The following DMD variants were observed in gnomAD, a reference collection of about 807,000 sequenced individuals.
The protein encoded by DMD is dystrophin.
Under a neutral mutation model 330.1 loss-of-function variants are expected in DMD, and 63 were observed. That is an observed-to-expected ratio of 0.19 (90% CI 0.16 to 0.24). The LOEUF (loss-of-function observed/expected upper bound fraction) is 0.24. Among genes scored for constraint, DMD ranks in the 10% least tolerant of loss-of-function variants. The probability of loss-of-function intolerance (pLI) is 1.00; values close to 1 mark genes in which losing one functional copy is unlikely to be tolerated. For missense variants in DMD, 3,344 were observed against 2,684.1 expected (o/e 1.25, Z -5.43); for synonymous variants, 1,223 against 959.8 (o/e 1.27, Z -5.07).
At chrX:32,162,903 C>T (rs2096855380) in intron 44 of DMD, among the ~76,000 whole-genome samples, 1 of 110,239 alleles carries the variant, frequency 9.1e-6, no homozygotes, top group African/African-American at 3.3e-5. Context: ...AATAGCCATT[C>T]ATTCCAAGGG....
chrX:31,601,409 T>G (rs897045155), intron 55 of DMD, among the ~76,000 whole-genome samples: 1 of 112,488 alleles, frequency 8.9e-6, no homozygotes, highest in Non-Finnish European at 1.9e-5. Flanking sequence ...AAGGTCTCAA[T>G]ATTCCATTAT....
rs2032179904 is a variant in DMD, at chrX:31,120,330, C to T, written c.*1589G>A. ...TCCACCAAGAAGGGTTTTTTTGTAA[C>T]ATTTGAATCAATTTGCCTTCTTTCT... is the stretch of plus-strand genomic sequence containing the variant. On this transcript the variant is annotated 3_prime_UTR_variant, in exon 79 of 79. Transcript: ENST00000357033. 1 of 108,535 alleles carries T rather than the reference C, an allele frequency of 9.2e-6. No homozygotes were observed. The highest frequency in any genetic ancestry group is 3.5e-5 in the African/African-American group (1 of 28,851). The allele number at this position is 108,535 out of a possible 1,213,427, so 8.9% of individuals were successfully genotyped here.
intron 33 of DMD, among the ~76,000 whole-genome samples, chrX:32,385,284 C>A (rs1432460927): frequency 1.8e-5 from 2 of 110,329 alleles, no homozygotes; most frequent in African/African-American, 6.6e-5. Context: ...AACCAAGGGG[C>A]CGAGAATACA....
At chrX:31,201,147 G>A (rs1358830907) in intron 67 of DMD, among the ~76,000 whole-genome samples, 4 of 95,663 alleles carry the variant, frequency 4.2e-5, no homozygotes, top group South Asian at 1.1e-3. Flanking sequence ...GCAACATGGC[G>A]AGAGACCCTG....
rs1328887957 is a variant in DMD at position 31,559,365 on chromosome X, G to A, written c.8218-51912C>T. Among the ~76,000 whole-genome samples the A allele has an allele frequency of 1.0e-4, 10 of 99,004 alleles. 2 individuals are homozygous for A. Among genetic ancestry groups the A allele is most frequent in the African/African-American group, 2.5e-4 (6 of 24,382 alleles). The allele number at this position is 99,004 out of a possible 115,157, so 86.0% of individuals were successfully genotyped here. On this transcript the variant is annotated intron_variant, in intron 55 of 78. Coordinates refer to ENST00000357033, the MANE Select transcript of DMD (RefSeq NM_004006.3). Reference sequence around the variant, plus strand: ...ACCACCATAAGACTTCTTGGCTGCCGGGCGCGGTGGCTCACGCCTGTAATC... The same window carrying A: ...ACCACCATAAGACTTCTTGGCTGCCAGGCGCGGTGGCTCACGCCTGTAATC...
intron 11 of DMD, among the ~76,000 whole-genome samples, chrX:32,615,342 G>C (rs1018684908): frequency 9.0e-6 from 1 of 111,278 alleles, no homozygotes; most frequent in African/African-American, 3.3e-5. Context: ...CCAGCGGTAA[G>C]CTCTACAACC....
chrX:31,511,390 G>A (rs1368634920), intron 55 of DMD, among the ~76,000 whole-genome samples: 14 of 104,686 alleles, frequency 1.3e-4, no homozygotes, highest in Non-Finnish European at 2.5e-4. Context: ...GTGCAGGTTA[G>A]TTACATATGT....
chrX:32,010,284 G>A (rs754139001), intron 44 of DMD, among the ~76,000 whole-genome samples: 1 of 111,544 alleles, frequency 9.0e-6, no homozygotes, highest in Non-Finnish European at 1.9e-5. Context: ...TATTATATCT[G>A]GGTAATGAAA....
chrX:32,692,886 TG>T (rs1199283582), intron 9 of DMD, among the ~76,000 whole-genome samples: 3 of 111,747 alleles, frequency 2.7e-5, no homozygotes, highest in Non-Finnish European at 3.8e-5. Context: ...GAACTTACAA[TG>T]TGCTTATACC....
intron 18 of DMD, among the ~76,000 whole-genome samples, chrX:32,510,323 ATTAC>A (rs1022010585): frequency 8.1e-5 from 9 of 111,544 alleles, no homozygotes; most frequent in African/African-American, 2.9e-4. Context: ...AAGGCCCTAA[ATTAC>A]TTACTTGGAC....
At chrX:31,205,680 A>G (rs1304531977) in intron 66 of DMD, among the ~76,000 whole-genome samples, 1 of 112,493 alleles carries the variant, frequency 8.9e-6, no homozygotes, top group Non-Finnish European at 1.9e-5. Context: ...GAGAAAACTC[A>G]AGTGGAAACT....
chrX:31,121,350 C>CA lies in DMD; in HGVS notation c.*568dup, dbSNP rs766145866. On this transcript the variant is annotated 3_prime_UTR_variant, in exon 79 of 79. Coordinates refer to ENST00000357033, the MANE Select transcript of DMD (RefSeq NM_004006.3). ...TAGAGGAAGTCTTATCTTTAATATG[C>CA]AAAAAAAGAAAAAGCCATGAATTTC... 2.4e-4 allele frequency: 28 copies of CA among 117,906 alleles called. No individual in the cohort carries two copies. The highest frequency in any genetic ancestry group is 2.7e-4 in the Admixed American group (3 of 11,181). The allele number at this position is 117,906 out of a possible 1,213,427, so 9.7% of individuals were successfully genotyped here.
At chrX:31,469,252 T>C (rs1215364866) in intron 59 of DMD, among the ~76,000 whole-genome samples, 2 of 111,902 alleles carry the variant, frequency 1.8e-5, no homozygotes, top group Non-Finnish European at 1.9e-5. Flanking sequence ...TGATGCAGTT[T>C]CTTCATAGTG....
At chrX:31,664,934 T>TACAA (rs2081344663) in intron 53 of DMD, among the ~76,000 whole-genome samples, 1 of 111,183 alleles carries the variant, frequency 9.0e-6, no homozygotes, top group Admixed American at 9.6e-5. Flanking sequence ...CTCTTTGGAT[T>TACAA]ACAAGGCCCT....
intron 44 of DMD, among the ~76,000 whole-genome samples, chrX:32,195,455 CTG>C (rs990279250): frequency 2.7e-5 from 3 of 111,958 alleles, no homozygotes; most frequent in African/African-American, 9.7e-5. Context: ...TAGTCTCAAA[CTG>C]TGACATACCT....
At chrX:32,678,499 C>CGTGTGTGTGTGTGT (rs760244852) in intron 9 of DMD, among the ~76,000 whole-genome samples, 2 of 106,064 alleles carry the variant, frequency 1.9e-5, no homozygotes, top group African/African-American at 6.8e-5. Context: ...TTTGCGTGTC[C>CGTGTGTGTGTGTGT]GTGTGTGTGT....
intron 44 of DMD, among the ~76,000 whole-genome samples, chrX:32,019,394 G>T (rs185423864): frequency 1.2e-4 from 13 of 111,390 alleles, no homozygotes; most frequent in Non-Finnish European, 2.5e-4. Context: ...TCAATAGATC[G>T]AACTGAATTT....
intron 2 of DMD, among the ~76,000 whole-genome samples, chrX:32,905,927 G>A (rs180812292): frequency 8.9e-6 from 1 of 111,893 alleles, no homozygotes; most frequent in East Asian, 2.8e-4. Context: ...AAACCACCCA[G>A]AGTTGAGAAT....
chrX:33,271,777 CA>C (rs771405828), intron 1 of DMD, among the ~76,000 whole-genome samples: 43 of 73,383 alleles, frequency 5.9e-4, no homozygotes, highest in East Asian at 8.6e-4. Context: ...AAAAAAAAAC[CA>C]AAAAAAAAAA....
Sources: gnomAD v4.1 joint callset for allele counts (sites outside exome capture counted in the v4.1 genomes callset) on GRCh38, gnomAD v4.1.1 for gene constraint, MANE v1.5 for transcripts, NCBI Gene and HGNC (gene_info 2026-07-23, HGNC 2026-07-21) for gene names.